Variants in WASHC2C observed in about 807,000 individuals in gnomAD.
WASHC2C encodes WASH complex subunit 2C.
WASHC2C carries 73 observed loss-of-function variants against 142.2 expected under a neutral mutation model. The ratio of observed to expected loss-of-function variants is 0.51; its 90% CI spans 0.43 to 0.62. The LOEUF is 0.62. WASHC2C is among the 20% of genes least tolerant of loss of function. The probability of loss-of-function intolerance (pLI) is 0.00; values close to 1 mark genes in which losing one functional copy is unlikely to be tolerated. For missense variants in WASHC2C, 969 were observed against 1,531.7 expected (o/e 0.63, Z 6.13); for synonymous variants, 337 against 565.5 (o/e 0.60, Z 5.73).
chr10:45,728,013 C>A (rs372241587), intron 2 of WASHC2C, among the ~76,000 whole-genome samples: 828 of 144,590 alleles, frequency 5.7e-3, no homozygotes, highest in African/African-American at 0.022. Context: ...TCTGTGATCT[C>A]TGTAGATTGA....
chr10:45,727,282 T>A lies in WASHC2C; in HGVS notation c.-36T>A. On this transcript the variant is annotated 5_prime_UTR_variant, in exon 1 of 31. Transcript: ENST00000623400. ...GGGCTCTGCGGTCCTCGGCCTGTGC[T>A]GGCAGCCTCGGAGCCCACCGAGCCG... 1.3e-6 allele frequency: 2 copies of A among 1,553,124 alleles called. No homozygotes were observed. The highest frequency in any genetic ancestry group is 4.6e-4 in the Middle Eastern group (2 of 4,352).
intron 29 of WASHC2C, among the ~76,000 whole-genome samples, chr10:45,789,965 A>G (rs2058300350): frequency 6.6e-6 from 1 of 152,246 alleles, no homozygotes; most frequent in Admixed American, 6.5e-5. Flanking sequence ...TGCAGGCACA[A>G]GGTGAACTCA....
At position 45,784,899 on chromosome 10, in the gene WASHC2C, T is replaced by G. The variant is rs782452120; in HGVS notation, c.2686T>G (p.Leu896Val). Residue 896 changes from leucine to valine, a missense_variant and splice_region_variant, in exon 25 of 31, where the codon TTG (leucine) becomes GTG (valine). Coordinates refer to ENST00000623400, the MANE Select transcript of WASHC2C (RefSeq NM_001330074.2). Reference sequence around the variant, plus strand: ...TTTCAGCTCTGCCAAGTCCCAGCCTTTGGTACCAGCCTTTTGTTCTCAATA... The same window carrying G: ...TTTCAGCTCTGCCAAGTCCCAGCCTGTGGTACCAGCCTTTTGTTCTCAATA... ...DLFSSAKSQP[L>V]VQEKKRVVKK... 1 of 1,607,400 alleles carries G rather than the reference T, an allele frequency of 6.2e-7. No homozygotes were observed.
At position 45,785,898 on chromosome 10, in the gene WASHC2C, G is replaced by A. The variant is rs545620659; in HGVS notation, c.2811+267G>A. On this transcript the variant is annotated intron_variant, in intron 26 of 30. Transcript: ENST00000623400. ...CTCTGAAGTGGAGTTAAGGTAGGAT[G>A]AAGAATCTTCTTCCCACTAAAGAAT... is the stretch of plus-strand genomic sequence containing the variant. The A allele has an allele frequency of 4.2e-4, 205 of 490,010 alleles. 1 individual carries two copies. The highest frequency in any genetic ancestry group is 3.4e-3 in the African/African-American group (170 of 50,336). The allele number at this position is 490,010 out of a possible 1,614,324, so 30.4% of individuals were successfully genotyped here.
Position 45,757,859 on chromosome 10 carries a change from C to T in WASHC2C, c.1548+720C>T, listed in dbSNP as rs1210743098. On this transcript the variant is annotated intron_variant, in intron 16 of 30. Coordinates refer to ENST00000623400, the MANE Select transcript of WASHC2C (RefSeq NM_001330074.2). ...AGCTTAGGCAGTAATGCTTGCTGCT[C>T]ACCTCACCTCCTGCTGTGCGGCCCG... Among the ~76,000 whole-genome samples the T allele has an allele frequency of 3.3e-5, 5 of 152,242 alleles. No homozygotes were observed. In the East Asian group the frequency reaches 7.7e-4, roughly 23 times the overall value.
chr10:45,787,359 G>A (rs2058115892), intron 28 of WASHC2C, 112 bp downstream of exon 28: 1 of 1,481,372 alleles, frequency 6.8e-7, no homozygotes, highest in African/African-American at 1.4e-5. Flanking sequence ...CCTTTTGAAG[G>A]AGGTGCCTCA....
chr10:45,751,713 C>G (rs1449432947), intron 11 of WASHC2C, among the ~76,000 whole-genome samples, 160 bp downstream of exon 11: 1 of 152,202 alleles, frequency 6.6e-6, no homozygotes, highest in African/African-American at 2.4e-5. Context: ...CGCGGTGGCT[C>G]ACACATGTAA....
At chr10:45,766,867 G>A (rs1589821062) in intron 19 of WASHC2C, among the ~76,000 whole-genome samples, 1 of 152,018 alleles carries the variant, frequency 6.6e-6, no homozygotes, top group East Asian at 1.9e-4. Flanking sequence ...TAACATTGTA[G>A]GCAAGTTAGT....
intron 21 of WASHC2C, among the ~76,000 whole-genome samples, chr10:45,776,151 TC>T (rs1157440546): frequency 6.6e-6 from 1 of 152,086 alleles, no homozygotes; most frequent in Non-Finnish European, 1.5e-5. Context: ...TAACTAAAAA[TC>T]CCCTTGCTCT....
chr10:45,790,252 C>T (rs1422595515), intron 29 of WASHC2C, 104 bp from the exon 30 acceptor site: 1 of 1,580,700 alleles, frequency 6.3e-7, no homozygotes, highest in African/African-American at 1.4e-5. Context: ...CGAGGCCGTT[C>T]CACACACCCT....
rs781979716 is a variant in WASHC2C at position 45,743,456 on chromosome 10, G to A, written c.595G>A (p.Val199Ile). Residue 199 changes from valine to isoleucine, a missense_variant, in exon 6 of 31, where the codon GTA becomes ATA. Coordinates refer to ENST00000623400, the MANE Select transcript of WASHC2C (RefSeq NM_001330074.2). ...AAAGCTGTTCATGGAACAAGAAGAT[G>A]TAGGTCTTGGAGAGCTGTCCAGTGA... is the stretch of plus-strand genomic sequence containing the variant. Reference protein sequence around the residue: ...GSKLFMEQEDVGLGELSSEEG... With the variant: ...GSKLFMEQEDIGLGELSSEEG... 5.6e-6 allele frequency: 9 copies of A among 1,611,924 alleles called. No individual in the cohort carries two copies. In the East Asian group the frequency reaches 6.7e-5, roughly 12 times the overall value.
rs782027714 is a variant in WASHC2C, at chr10:45,786,606, A to T, written c.2812-6A>T. The T allele has an allele frequency of 1.9e-6, 3 of 1,611,220 alleles. No individual in the cohort carries two copies. The South Asian group carries it at 3.3e-5, about 18-fold the overall frequency. On this transcript the variant is annotated splice_polypyrimidine_tract_variant and splice_region_variant and intron_variant, in intron 26 of 30. Transcript: ENST00000623400. The stretch of plus-strand genomic sequence containing the variant: ...TGGATTTTTAACTGGATGTAATCTT[A>T]CACAGGACTCATCAGGTCTCGCTCC...
chr10:45,780,063 C>A (rs1419381102), intron 23 of WASHC2C, among the ~76,000 whole-genome samples: 1 of 151,688 alleles, frequency 6.6e-6, no homozygotes, highest in Non-Finnish European at 1.5e-5. Context: ...ACAGCGACAT[C>A]ACCAGAAAGC....
chr10:45,746,950 C>T (rs1486983703), intron 8 of WASHC2C, among the ~76,000 whole-genome samples: 1 of 152,142 alleles, frequency 6.6e-6, no homozygotes, highest in African/African-American at 2.4e-5. Flanking sequence ...GCATGAGTCC[C>T]TCTTCTGTTT....
At chr10:45,762,189 A>G (rs374634567) in intron 17 of WASHC2C, among the ~76,000 whole-genome samples, 1 of 151,436 alleles carries the variant, frequency 6.6e-6, no homozygotes, top group African/African-American at 2.4e-5. Flanking sequence ...GTTTTATAAC[A>G]TTTTGAAAAT....
rs527564422 is a variant in WASHC2C at position 45,783,801 on chromosome 10, G to A, written c.2479-764G>A. ...AATCTGTGGCTGTGATAAGGAAATA[G>A]GGATGAATTTTAGAATGTCAGGTCT... On this transcript the variant is annotated intron_variant, in intron 23 of 30. Transcript: ENST00000623400. Among the ~76,000 whole-genome samples, 8 of 152,292 alleles carry A rather than the reference G, an allele frequency of 5.3e-5. No homozygotes were observed. The South Asian group carries it at 8.3e-4, about 16-fold the overall frequency.
rs183129810 is a variant in WASHC2C at position 45,763,759 on chromosome 10, T to G, written c.1737+270T>G. ...TGGAGACTTTCTCTGTCACCCAGGC[T>G]GGAGTGCAGTGATGCGATCTTGGCT... On this transcript the variant is annotated intron_variant, in intron 18 of 30. Transcript: ENST00000623400. 2.9e-3 allele frequency among the ~76,000 whole-genome samples: 443 copies of G among 151,930 alleles called. 2 individuals carry two copies. Among genetic ancestry groups the G allele is most frequent in the African/African-American group, 0.01 (420 of 41,376 alleles).
intron 3 of WASHC2C, among the ~76,000 whole-genome samples, chr10:45,736,474 C>CCTGT (rs2051293272): frequency 6.7e-6 from 1 of 148,278 alleles, no homozygotes. Context: ...GTGGTGCACG[C>CCTGT]CTGTAATCCC....
chr10:45,730,410 A>C (rs1180149316), intron 3 of WASHC2C, among the ~76,000 whole-genome samples: 1 of 146,832 alleles, frequency 6.8e-6, no homozygotes, highest in East Asian at 2.0e-4. Context: ...CAGAATGTCC[A>C]TGCTTGGTCC....
Sources: gnomAD v4.1 joint callset for allele counts (sites outside exome capture counted in the v4.1 genomes callset) on GRCh38, gnomAD v4.1.1 for gene constraint, MANE v1.5 for transcripts, NCBI Gene and HGNC (gene_info 2026-07-23, HGNC 2026-07-21) for gene names.